LENG8: variants seen among roughly 807,000 people sequenced by gnomAD.
LENG8 encodes the protein leukocyte receptor cluster member 8.
LENG8 carries 28 observed loss-of-function variants against 102.1 expected under a neutral mutation model. The observed-to-expected ratio is 0.27, with a 90% CI of 0.20 to 0.38. The LOEUF is 0.38. LENG8 is among the 10% of genes least tolerant of loss of function. LENG8 has a pLI of 1.00. For synonymous variants in LENG8, 531 were observed against 456.7 expected, an observed-to-expected ratio of 1.16 and a Z score of -2.07; for missense variants, 1,022 against 1,113.9, an observed-to-expected ratio of 0.92 and a Z score of 1.17.
chr19:54,454,741 G>T, intron 6 of LENG8, 59 bp downstream of exon 6: 1 of 1,514,986 alleles, frequency 6.6e-7, no homozygotes, highest in East Asian at 2.3e-5. Context: ...GAGCTCCTGG[G>T]TGTGAGGCCC....
intron 8 of LENG8, 38 bp downstream of exon 8, chr19:54,455,605 CTG>C (rs774062088): frequency 1.3e-6 from 2 of 1,553,936 alleles, no homozygotes; most frequent in South Asian, 2.3e-5. Context: ...GAGGGTGGTG[CTG>C]TGAGAGGCAT....
Position 54,451,317 on chromosome 19 carries a change from G to A in LENG8, c.-28G>A, listed in dbSNP as rs758307566. ...AGTGAAAAAGCAGTCTGGCTCCCGAGGTCCACCCCTTATACCCCAAGGTCC... is the reference window on the plus strand; with the variant it reads ...AGTGAAAAAGCAGTCTGGCTCCCGAAGTCCACCCCTTATACCCCAAGGTCC... On this transcript the variant is annotated 5_prime_UTR_variant, in exon 2 of 16. Transcript: ENST00000326764. The A allele has an allele frequency of 3.7e-6, 6 of 1,613,856 alleles. No individual in the cohort carries two copies. Among genetic ancestry groups the A allele is most frequent in the East Asian group, 2.2e-5 (1 of 44,902 alleles).
intron 1 of LENG8, among the ~76,000 whole-genome samples, chr19:54,450,916 G>A (rs1445265635): frequency 6.6e-6 from 1 of 152,146 alleles, no homozygotes; most frequent in East Asian, 1.9e-4. Flanking sequence ...CACCGCGCCT[G>A]GCCCCTAGAA....
intron 15 of LENG8, chr19:54,460,100 C>T (rs553090911): frequency 7.8e-7 from 1 of 1,289,800 alleles, no homozygotes; most frequent in South Asian, 1.2e-5. Flanking sequence ...ACGGAGTGGG[C>T]TCTGATCCCA....
At position 54,455,023 on chromosome 19, in the gene LENG8, G is replaced by A; in HGVS notation, c.752G>A (p.Gly251Asp). The part of the protein sequence containing the change: ...RPFAVTTQSF[G>D]SNAEGQHSGF... ...TTTGCTGTTACCACCCAGAGCTTTG[G>A]CTCCAACGCAGAGGGCCAGCACAGT... Residue 251 changes from glycine to aspartate, a missense_variant, in exon 7 of 16, where the codon GGC becomes GAC. Transcript: ENST00000326764. 6.2e-7 allele frequency: 1 copy of A among 1,614,184 alleles called. No individual in the cohort carries two copies. The highest frequency in any genetic ancestry group is 8.5e-7 in the Non-Finnish European group (1 of 1,180,046).
At position 54,453,568 on chromosome 19, in the gene LENG8, C is replaced by T; in HGVS notation, c.338C>T (p.Ser113Phe). The T allele has an allele frequency of 6.2e-7, 1 of 1,613,992 alleles. No homozygotes were observed. The highest frequency in any genetic ancestry group is 8.5e-7 in the Non-Finnish European group (1 of 1,179,930). ...CAGAGCATGTACCAGAGCTATGGCT[C>T]CCCTTCCCAGTATGGGATGGCCGGC... is the stretch of plus-strand genomic sequence containing the variant. ...YPMSMYQSYG[S>F]PSQYGMAGSY... Residue 113 changes from serine to phenylalanine, a missense_variant, in exon 5 of 16, where the codon TCC (serine) becomes TTC (phenylalanine). Transcript: ENST00000326764.
chr19:54,459,028 G>A, intron 15 of LENG8: 1 of 1,435,714 alleles, frequency 7.0e-7, no homozygotes, highest in Non-Finnish European at 9.1e-7. Flanking sequence ...CGGTGCCAGA[G>A]GCCCCTGGTC....
intron 6 of LENG8, 61 bp downstream of exon 6, chr19:54,454,743 G>T: frequency 6.6e-7 from 1 of 1,508,924 alleles, no homozygotes; most frequent in Non-Finnish European, 8.9e-7. Flanking sequence ...GCTCCTGGGT[G>T]TGAGGCCCGT....
rs551420728 is a variant in LENG8 at position 54,458,799 on chromosome 19, T to C, written c.2240+278T>C. On this transcript the variant is annotated intron_variant, in intron 15 of 15. Transcript: ENST00000326764. ...TTCTCCACCCCATCTGTGTGTCTCT[T>C]CCTCCTGTTCTCTCCTGCCTGGACC... The C allele has an allele frequency of 6.2e-4, 954 of 1,551,094 alleles. 1 individual carries two copies. Among genetic ancestry groups the C allele is most frequent in the Non-Finnish European group, 7.9e-4 (904 of 1,147,124 alleles).
Position 54,461,261 on chromosome 19 carries a change from GT to G in LENG8, c.*334del. 1.9e-6 allele frequency: 1 copy of G among 518,134 alleles called. No homozygotes were observed. The highest frequency in any genetic ancestry group is 1.6e-5 in the South Asian group (1 of 63,138). The allele number at this position is 518,134 out of a possible 1,614,324, so 32.1% of individuals were successfully genotyped here. A position where few individuals can be genotyped will look rare whatever the true frequency, so the allele number is the denominator to read the frequency against. On this transcript the variant is annotated 3_prime_UTR_variant, in exon 16 of 16. Coordinates refer to ENST00000326764, the MANE Select transcript of LENG8 (RefSeq NM_052925.4). ...CTCTCTCTTTCGAGCTTGCACTCCG[GT>G]ACCCGACCCGGCGCCCTGGCCCATC...
At chr19:54,458,672 C>A (rs1308272560) in intron 15 of LENG8, 151 bp downstream of exon 15, 8 of 1,552,096 alleles carry the variant, frequency 5.2e-6, no homozygotes, top group Admixed American at 2.0e-5. Context: ...ATTCAGCCCT[C>A]CCCTCTCCAG....
intron 15 of LENG8, 23 bp from the exon 16 acceptor site, chr19:54,460,743 A>T: frequency 9.5e-7 from 1 of 1,047,726 alleles, no homozygotes; most frequent in East Asian, 5.4e-5. Flanking sequence ...CCGCCTCATC[A>T]CCTTCTCCTC....
chr19:54,459,419 ACG>A (rs2084418561), intron 15 of LENG8: 5 of 981,796 alleles, frequency 5.1e-6, no homozygotes, highest in South Asian at 9.3e-5. Flanking sequence ...GTGGCCCTCC[ACG>A]TGAGGTCATG....
chr19:54,456,174 C>T lies in LENG8; in HGVS notation c.1233C>T (p.Asn411=), dbSNP rs117470034. The T allele has an allele frequency of 3.1e-4, 499 of 1,611,290 alleles. 6 individuals are homozygous for T. The East Asian group carries it at 0.01, about 33-fold the overall frequency. The change falls in exon 9 of 16, where the codon AAC becomes AAT. Residue 411 remains asparagine, a synonymous_variant. Transcript: ENST00000326764. ...ACCGCAACGTCTTCATGAAGGACAA[C>T]AGCTCTTCTTCCAGCACAGACTCCC... is the stretch of plus-strand genomic sequence containing the variant. ...FGNRNVFMKD[N]SSSSSTDSRS...
At position 54,453,645 on chromosome 19, in the gene LENG8, A is replaced by G. The variant is rs1450304559; in HGVS notation, c.415A>G (p.Thr139Ala). Residue 139 changes from threonine (T) to alanine (A), a missense_variant, in exon 5 of 16, where the codon ACT becomes GCT. By Grantham distance (58) the Thr-to-Ala change is moderately conservative. Transcript: ENST00000326764. The part of the protein sequence containing the change: ...QQPSAPQHQG[T>A]LNQPPVPGMD... ...GCCATCCGCACCCCAACACCAAGGG[A>G]CTCTGAACCAGGTAACATCCTAGCC... 4 of 1,612,596 alleles carry G rather than the reference A, an allele frequency of 2.5e-6. No individual in the cohort carries two copies. The highest frequency in any genetic ancestry group is 3.4e-6 in the Non-Finnish European group (4 of 1,179,174).
At chr19:54,450,954 G>A (rs10407512) in intron 1 of LENG8, among the ~76,000 whole-genome samples, 3,451 of 152,176 alleles carry the variant, frequency 0.023, 58 homozygotes, top group East Asian at 0.07. Flanking sequence ...CCCCTTGATG[G>A]AGGCACCCCT....
intron 4 of LENG8, 24 bp from the exon 5 acceptor site, chr19:54,453,522 C>G: frequency 1.2e-5 from 19 of 1,520,266 alleles, no homozygotes; most frequent in Non-Finnish European, 1.6e-5. Flanking sequence ...TCCCACTAAA[C>G]CCTCCCTCCC....
intron 1 of LENG8, 47 bp downstream of exon 1, chr19:54,449,357 T>A (rs1228875253): frequency 2.6e-5 from 4 of 152,148 alleles, no homozygotes; most frequent in African/African-American, 7.2e-5. Context: ...AGCATCTCCT[T>A]TTGGTCTTGC....
chr19:54,455,463 G>A lies in LENG8; in HGVS notation c.921G>A (p.Glu307=). The change falls in exon 8 of 16, where the codon GAG becomes GAA. Residue 307 remains glutamate (E), a synonymous_variant. Transcript: ENST00000326764. ...GCTGCTTCACCGCCTGTGAGTCGGA[G>A]GAGGACAAGGACCGCACGGAAAAGC... The part of the protein sequence containing the change: ...VERCFTACES[E]EDKDRTEKLL... 1.9e-6 allele frequency: 3 copies of A among 1,614,206 alleles called. No individual in the cohort carries two copies. The highest frequency in any genetic ancestry group is 1.7e-6 in the Non-Finnish European group (2 of 1,180,048).
Sources: gnomAD v4.1 joint callset for allele counts (sites outside exome capture counted in the v4.1 genomes callset) on GRCh38, gnomAD v4.1.1 for gene constraint, MANE v1.5 for transcripts, NCBI Gene and HGNC (gene_info 2026-07-23, HGNC 2026-07-21) for gene names.